The following PRDM16 variants were observed in gnomAD, a reference collection of about 807,000 sequenced individuals.
PRDM16 encodes histone-lysine N-methyltransferase PRDM16.
Under a neutral mutation model 110.6 loss-of-function variants are expected in PRDM16, and 23 were observed. The ratio of observed to expected loss-of-function variants is 0.21; its 90% CI spans 0.15 to 0.29. The LOEUF (loss-of-function observed/expected upper bound fraction) is 0.29. PRDM16 is among the 10% of genes least tolerant of loss of function. PRDM16 has a pLI of 1.00. For missense variants in PRDM16, 1,615 were observed against 1,794.3 expected (o/e 0.90, Z 1.81); for synonymous variants, 799 against 781.8 (o/e 1.02, Z -0.37).
chr1:3,082,030 C>T (rs905857004), intron 1 of PRDM16, among the ~76,000 whole-genome samples: 6 of 152,210 alleles, frequency 3.9e-5, no homozygotes, highest in Admixed American at 2.6e-4. Context: ...ATTCCCTTGA[C>T]GCCTCAAATC....
At chr1:3,337,475 G>A (rs77188861) in intron 3 of PRDM16, among the ~76,000 whole-genome samples, 10,805 of 152,214 alleles carry the variant, frequency 0.071, 544 homozygotes, top group East Asian at 0.19. Flanking sequence ...TCTAAAGCTG[G>A]GATCTTGTGG....
At position 3,272,884 on chromosome 1, in the gene PRDM16, C is replaced by T. The variant is rs548610210; in HGVS notation, c.438+28747C>T. Among the ~76,000 whole-genome samples the T allele has an allele frequency of 1.0e-3, 155 of 152,332 alleles. No individual in the cohort carries two copies. The Middle Eastern group carries it at 0.014, about 13-fold the overall frequency. The stretch of plus-strand genomic sequence containing the variant: ...GGGACACAGAGGCCTGGTGGCTTCA[C>T]GGCTCTGCCACTCCCCAGCCTGGGC... On this transcript the variant is annotated intron_variant, in intron 3 of 16. Coordinates refer to ENST00000270722, the MANE Select transcript of PRDM16 (RefSeq NM_022114.4).
At chr1:3,220,831 C>G (rs1639135147) in intron 2 of PRDM16, among the ~76,000 whole-genome samples, 1 of 152,174 alleles carries the variant, frequency 6.6e-6, no homozygotes, top group Admixed American at 6.5e-5. Flanking sequence ...GGGGAAGCTC[C>G]TCGCCTTGGT....
At chr1:3,234,414 C>G (rs1029184324) in intron 2 of PRDM16, among the ~76,000 whole-genome samples, 1 of 152,216 alleles carries the variant, frequency 6.6e-6, no homozygotes, top group South Asian at 2.1e-4. Flanking sequence ...CAGGCTGCCC[C>G]GGCCAGGCCA....
intron 3 of PRDM16, among the ~76,000 whole-genome samples, chr1:3,276,989 A>G (rs1055987906): frequency 2.0e-5 from 3 of 151,486 alleles, no homozygotes; most frequent in South Asian, 2.1e-4. Context: ...GCCATCACCA[A>G]TCCGTTTGAT....
intron 2 of PRDM16, among the ~76,000 whole-genome samples, chr1:3,218,181 C>T (rs769479326): frequency 1.3e-5 from 2 of 152,252 alleles, no homozygotes; most frequent in Admixed American, 6.5e-5. Flanking sequence ...GCCTGGCTCT[C>T]GGCAGGGAGC....
chr1:3,251,420 C>T (rs1197058229), intron 3 of PRDM16, among the ~76,000 whole-genome samples: 1 of 152,178 alleles, frequency 6.6e-6, no homozygotes, highest in African/African-American at 2.4e-5. Context: ...TGAGAACCCA[C>T]GTCCAGGGCT....
At chr1:3,299,632 A>G (rs1403532191) in intron 3 of PRDM16, among the ~76,000 whole-genome samples, 6 of 98,736 alleles carry the variant, frequency 6.1e-5, no homozygotes, top group Admixed American at 2.0e-4. Context: ...AGTCATGGTG[A>G]CTCTGCCCTT....
chr1:3,195,891 T>C (rs1638461454), intron 2 of PRDM16, among the ~76,000 whole-genome samples: 2 of 152,232 alleles, frequency 1.3e-5, no homozygotes. Context: ...ATGTGGCCTC[T>C]GTATGGGCCT....
chr1:3,165,261 A>G (rs1457777427), intron 1 of PRDM16, among the ~76,000 whole-genome samples: 2 of 139,774 alleles, frequency 1.4e-5, no homozygotes, highest in African/African-American at 5.2e-5. Context: ...GGGCTCAGGG[A>G]CAGGGATGCA....
rs930381981 is a variant in PRDM16 at position 3,358,100 on chromosome 1, G to T, written c.439-27052G>T. On this transcript the variant is annotated intron_variant, in intron 3 of 16. Transcript: ENST00000270722. The surrounding 1 kb of genome is among the most constrained non-coding windows in gnomAD (Gnocchi z 4.0). ...CCCAGTGGCCTGGCCTCACGCGTGG[G>T]TCCATCCCGGAACCACACAGTGGGC... Among the ~76,000 whole-genome samples the T allele has an allele frequency of 6.6e-6, 1 of 152,216 alleles. No individual in the cohort carries two copies. Among genetic ancestry groups the T allele is most frequent in the Non-Finnish European group, 1.5e-5 (1 of 68,044 alleles).
chr1:3,247,867 C>T (rs922593620), intron 3 of PRDM16, among the ~76,000 whole-genome samples: 2 of 152,242 alleles, frequency 1.3e-5, no homozygotes, highest in African/African-American at 4.8e-5. Flanking sequence ...CCTCTGGGAC[C>T]GCTCCCTCCA....
chr1:3,240,636 A>C (rs1242206363), intron 2 of PRDM16, among the ~76,000 whole-genome samples: 1 of 152,150 alleles, frequency 6.6e-6, no homozygotes, highest in Non-Finnish European at 1.5e-5. Flanking sequence ...AGGTTCTCAG[A>C]TACTTTAATA....
chr1:3,382,917 T>C lies in PRDM16; in HGVS notation c.439-2235T>C, dbSNP rs889838251. Among the ~76,000 whole-genome samples the C allele has an allele frequency of 6.6e-6, 1 of 152,210 alleles. No individual in the cohort carries two copies. Among genetic ancestry groups the C allele is most frequent in the East Asian group, 1.9e-4 (1 of 5,202 alleles). On this transcript the variant is annotated intron_variant, in intron 3 of 16. Coordinates refer to ENST00000270722, the MANE Select transcript of PRDM16 (RefSeq NM_022114.4). This position sits in a 1 kb window ranked among gnomAD's most constrained non-coding sequence, Gnocchi z 6.6. ...CGGGACTGGGATACTGCCAGCCCCA[T>C]GTGGCCAGCTGTGCTCCTGCTACTC...
rs74048400 is a variant in PRDM16, at chr1:3,243,487, C to T, written c.388-600C>T. On this transcript the variant is annotated intron_variant, in intron 2 of 16. Coordinates refer to ENST00000270722, the MANE Select transcript of PRDM16 (RefSeq NM_022114.4). The surrounding 1 kb of genome is among the most constrained non-coding windows in gnomAD (Gnocchi z 5.5). ...GCCGACCTCTGCCCCTGCCTCTGGC[C>T]GCCCGCCGCTGTCTCCTGGGACCGC... Among the ~76,000 whole-genome samples, 8 of 152,176 alleles carry T rather than the reference C, an allele frequency of 5.3e-5. No individual in the cohort carries two copies. The East Asian group carries it at 7.7e-4, about 15-fold the overall frequency.
intron 11 of PRDM16, among the ~76,000 whole-genome samples, chr1:3,418,369 T>TG (rs1327785324): frequency 2.0e-5 from 3 of 152,198 alleles, no homozygotes; most frequent in African/African-American, 7.2e-5. Context: ...GGCCACCCTC[T>TG]GCTGGTGCAG....
At chr1:3,336,559 CAT>C (rs529595219) in intron 3 of PRDM16, among the ~76,000 whole-genome samples, 2 of 150,854 alleles carry the variant, frequency 1.3e-5, no homozygotes, top group African/African-American at 4.9e-5. Context: ...CATGCATGCA[CAT>C]GTGTGTTGGT....
rs559851349 is a variant in PRDM16 at position 3,166,613 on chromosome 1, G to T, written c.38-19512G>T. ...GTCCCTCGCATCGCCAGTAACCGCA[G>T]CCTCTTCTCATCTGCACACTGGCCC... On this transcript the variant is annotated intron_variant, in intron 1 of 16. Coordinates refer to ENST00000270722, the MANE Select transcript of PRDM16 (RefSeq NM_022114.4). Among the ~76,000 whole-genome samples, 6 of 152,308 alleles carry T rather than the reference G, an allele frequency of 3.9e-5. No individual in the cohort carries two copies. In the South Asian group the frequency reaches 1.2e-3, roughly 32 times the overall value.
At chr1:3,384,902 C>T (rs1358001357) in intron 3 of PRDM16, among the ~76,000 whole-genome samples, 1 of 152,162 alleles carries the variant, frequency 6.6e-6, no homozygotes, top group Non-Finnish European at 1.5e-5. Context: ...CAGTGATCTG[C>T]TCGGTGAGAA....
Sources: allele counts gnomAD v4.1 joint callset (sites outside exome capture counted in the v4.1 genomes callset), GRCh38; gene constraint gnomAD v4.1.1; non-coding constraint Gnocchi (gnomAD v3.1); transcripts MANE v1.5; gene names NCBI Gene and HGNC (gene_info 2026-07-23, HGNC 2026-07-21).